Variants in ALPK1 observed in about 807,000 individuals in gnomAD.
ALPK1 encodes the protein alpha-protein kinase 1.
A neutral mutation model predicts 120.6 loss-of-function variants in ALPK1; 110 were observed. The ratio of observed to expected loss-of-function variants is 0.91; its 90% CI spans 0.78 to 1.07. The LOEUF (loss-of-function observed/expected upper bound fraction) is 1.07. Ranked by LOEUF, ALPK1 falls within the 50% of genes least tolerant of loss-of-function variation. ALPK1 has a pLI of 0.00. For synonymous variants in ALPK1, 582 were observed against 560.3 expected, an observed-to-expected ratio of 1.04 and a Z score of -0.55; for missense variants, 1,498 against 1,483.9, an observed-to-expected ratio of 1.01 and a Z score of -0.16.
intron 2 of ALPK1, chr4:112,358,734 C>T (rs1292765470): frequency 2.5e-6 from 2 of 787,144 alleles, no homozygotes; most frequent in South Asian, 1.3e-5. Context: ...GCTGGTCAGC[C>T]ACTCGGAGGA....
At chr4:112,355,562 T>C (rs1730564522) in intron 2 of ALPK1, among the ~76,000 whole-genome samples, 1 of 152,132 alleles carries the variant, frequency 6.6e-6, no homozygotes, top group Non-Finnish European at 1.5e-5. Context: ...CAGGAAATGA[T>C]GGTGGCTGGG....
In ALPK1 at chr4:112,438,599, C is replaced by G. The variant is rs771213404; in HGVS notation, c.3304C>G (p.Gln1102Glu). 1.9e-6 allele frequency: 3 copies of G among 1,613,866 alleles called. No homozygotes were observed. The highest frequency in any genetic ancestry group is 2.5e-6 in the Non-Finnish European group (3 of 1,179,798). ...VTEFNKRLYEQNIPTQIFYIP... is the reference protein window; with the variant it reads ...VTEFNKRLYEENIPTQIFYIP... ...AGAATTTAACAAGAGACTCTATGAA[C>G]AAAACATTCCCACCCAGATATTCTA... is the stretch of plus-strand genomic sequence containing the variant. Residue 1102 changes from glutamine to glutamate, a missense_variant, in exon 13 of 16, where the codon CAA (glutamine) becomes GAA (glutamate). By Grantham distance (29) the Gln-to-Glu change is conservative. Coordinates refer to ENST00000650871, the MANE Select transcript of ALPK1 (RefSeq NM_025144.4).
At chr4:112,436,537 A>G (rs1560690373) in intron 12 of ALPK1, among the ~76,000 whole-genome samples, 1 of 152,248 alleles carries the variant, frequency 6.6e-6, no homozygotes, top group Non-Finnish European at 1.5e-5. Flanking sequence ...CCCTGATCCA[A>G]TATGACTGAT....
At chr4:112,341,065 C>T (rs1287553997) in intron 2 of ALPK1, among the ~76,000 whole-genome samples, 1 of 152,196 alleles carries the variant, frequency 6.6e-6, no homozygotes, top group Non-Finnish European at 1.5e-5. Flanking sequence ...TCCCTACACT[C>T]AACCAAGTAG....
chr4:112,388,129 T>G (rs1331384498), intron 4 of ALPK1, among the ~76,000 whole-genome samples: 1 of 152,236 alleles, frequency 6.6e-6, no homozygotes, highest in African/African-American at 2.4e-5. Context: ...TATGGCTGCA[T>G]AGTCAGAATA....
At chr4:112,303,586 T>A (rs556980628) in intron 1 of ALPK1, among the ~76,000 whole-genome samples, 3 of 152,290 alleles carry the variant, frequency 2.0e-5, no homozygotes, top group African/African-American at 7.2e-5. Flanking sequence ...ATCTCCTCCG[T>A]CTCTAGTCTG....
chr4:112,402,794 G>T (rs1434981946), intron 4 of ALPK1, among the ~76,000 whole-genome samples: 5 of 152,132 alleles, frequency 3.3e-5, no homozygotes, highest in African/African-American at 9.7e-5. Flanking sequence ...GAAAAATAAA[G>T]GATTAGAATC....
chr4:112,430,928 C>G lies in ALPK1; in HGVS notation c.1381C>G (p.Gln461Glu), dbSNP rs1464009652. 6.2e-7 allele frequency: 1 copy of G among 1,614,172 alleles called. No individual in the cohort carries two copies. Among genetic ancestry groups the G allele is most frequent in the East Asian group, 2.2e-5 (1 of 44,890 alleles). ...CCAAAAAATCCTTGACACCTATTCA[C>G]AGCACCATACTTCGGTGTGTGAAGT... Reference protein sequence around the residue: ...DFQKILDTYSQHHTSVCEVFE... With the variant: ...DFQKILDTYSEHHTSVCEVFE... Residue 461 changes from glutamine (Q) to glutamate (E), a missense_variant, in exon 11 of 16, where the codon CAG (glutamine) becomes GAG (glutamate). Coordinates refer to ENST00000650871, the MANE Select transcript of ALPK1 (RefSeq NM_025144.4).
Position 112,416,438 on chromosome 4 carries a change from T to C in ALPK1, c.475+4413T>C, listed in dbSNP as rs544918000. The stretch of plus-strand genomic sequence containing the variant: ...TGAAAATGAAGCACAGAGAGCTAAG[T>C]AGATGAAAATAGGGAAGTTTAAAAA... On this transcript the variant is annotated intron_variant, in intron 5 of 15. Transcript: ENST00000650871. Among the ~76,000 whole-genome samples the C allele has an allele frequency of 7.9e-5, 12 of 151,912 alleles. No homozygotes were observed. The South Asian group carries it at 2.5e-3, about 32-fold the overall frequency.
In ALPK1 at chr4:112,429,224, T is replaced by G; in HGVS notation, c.871T>G (p.Tyr291Asp). 6.2e-7 allele frequency: 1 copy of G among 1,612,958 alleles called. No individual in the cohort carries two copies. Among genetic ancestry groups the G allele is most frequent in the Non-Finnish European group, 8.5e-7 (1 of 1,179,944 alleles). ...ACKLAAAFSA[Y>D]TPLFVLTAVN... ...CAAGCTGGCAGCTGCCTTCAGTGCC[T>G]ATACGCCGCTCTTCGTGCTCACAGC... Residue 291 changes from tyrosine (Y) to aspartate (D), a missense_variant, in exon 10 of 16, where the codon TAT becomes GAT. Tyr to Asp is a radical substitution (Grantham distance 160). Transcript: ENST00000650871.
chr4:112,440,584 A>T (rs1027687635), intron 14 of ALPK1, among the ~76,000 whole-genome samples: 1 of 152,226 alleles, frequency 6.6e-6, no homozygotes, highest in South Asian at 2.1e-4. Flanking sequence ...TCTCTGAATC[A>T]TGAAAGAAAT....
chr4:112,391,692 G>A (rs1191663460), intron 4 of ALPK1, among the ~76,000 whole-genome samples: 1 of 152,154 alleles, frequency 6.6e-6, no homozygotes, highest in Non-Finnish European at 1.5e-5. Context: ...AGGGTTGCTG[G>A]CAACATCAGA....
chr4:112,407,889 C>T (rs1195795064), intron 4 of ALPK1, among the ~76,000 whole-genome samples: 2 of 152,106 alleles, frequency 1.3e-5, no homozygotes, highest in African/African-American at 2.4e-5. Flanking sequence ...GGGCAGATTA[C>T]GAGGTCAGGA....
At chr4:112,425,004 C>G (rs951178173) in intron 6 of ALPK1, 3 of 152,394 alleles carry the variant, frequency 2.0e-5, no homozygotes, top group African/African-American at 4.8e-5. Context: ...ACACCCAAAC[C>G]CAGCTTACAG....
At chr4:112,305,983 C>T (rs1009286979) in intron 1 of ALPK1, among the ~76,000 whole-genome samples, 4 of 151,942 alleles carry the variant, frequency 2.6e-5, no homozygotes, top group South Asian at 2.1e-4. Context: ...TGTCAAAGGC[C>T]TTTTCTGCAT....
chr4:112,437,918 T>G (rs1734855828), intron 12 of ALPK1, among the ~76,000 whole-genome samples: 1 of 152,234 alleles, frequency 6.6e-6, no homozygotes. Flanking sequence ...TTTCCGCATG[T>G]AATCATTTAC....
intron 1 of ALPK1, among the ~76,000 whole-genome samples, chr4:112,314,116 G>A (rs1728533852): frequency 6.6e-6 from 1 of 152,194 alleles, no homozygotes; most frequent in Non-Finnish European, 1.5e-5. Context: ...GGAGTGCTTG[G>A]TTTTAGATAA....
chr4:112,329,393 C>T (rs375884639), intron 2 of ALPK1, among the ~76,000 whole-genome samples: 15 of 152,312 alleles, frequency 9.8e-5, no homozygotes, highest in South Asian at 8.3e-4. Flanking sequence ...GTGAAGAACA[C>T]GTCTTTCTAG....
chr4:112,375,053 A>G (rs1313768148), intron 2 of ALPK1, among the ~76,000 whole-genome samples: 2 of 152,194 alleles, frequency 1.3e-5, no homozygotes, highest in Non-Finnish European at 2.9e-5. Flanking sequence ...GGAGCTTTGA[A>G]GCCAGGCATT....
Sources: gnomAD v4.1 joint callset for allele counts (sites outside exome capture counted in the v4.1 genomes callset) on GRCh38, gnomAD v4.1.1 for gene constraint, MANE v1.5 for transcripts, NCBI Gene and HGNC (gene_info 2026-07-23, HGNC 2026-07-21) for gene names.